Variants in ANKRD50 observed in about 807,000 individuals in gnomAD.
The protein encoded by ANKRD50 is ankyrin repeat domain 50.
Under a neutral mutation model 112.0 loss-of-function variants are expected in ANKRD50, and 40 were observed. The observed-to-expected ratio is 0.36, with a 90% CI of 0.28 to 0.46. The LOEUF (loss-of-function observed/expected upper bound fraction) is 0.46, where lower values mean the gene tolerates loss of function less well. Ranked by LOEUF, ANKRD50 falls within the 20% of genes least tolerant of loss-of-function variation. ANKRD50 has a pLI of 1.00. For missense variants in ANKRD50, 1,487 were observed against 1,701.7 expected, an observed-to-expected ratio of 0.87 and a Z score of 2.22; for synonymous variants, 613 against 619.1, an observed-to-expected ratio of 0.99 and a Z score of 0.15.
At chr4:124,705,346 T>G (rs997151235) in intron 2 of ANKRD50, among the ~76,000 whole-genome samples, 1 of 152,214 alleles carries the variant, frequency 6.6e-6, no homozygotes, top group African/African-American at 2.4e-5. Flanking sequence ...AACTTAGAGT[T>G]ATTCATCTTT....
chr4:124,697,517 T>C (rs2110523477), intron 2 of ANKRD50, among the ~76,000 whole-genome samples: 1 of 152,254 alleles, frequency 6.6e-6, no homozygotes, highest in South Asian at 2.1e-4. Flanking sequence ...AGGTAAGTTA[T>C]AAAGAGTGAG....
At chr4:124,700,644 C>T (rs1725368919) in intron 2 of ANKRD50, among the ~76,000 whole-genome samples, 2 of 152,178 alleles carry the variant, frequency 1.3e-5, no homozygotes, top group South Asian at 4.1e-4. Flanking sequence ...TATTTAACTT[C>T]TGTATCGTTA....
chr4:124,687,049 G>T (rs1045838915), intron 2 of ANKRD50, among the ~76,000 whole-genome samples: 1 of 152,058 alleles, frequency 6.6e-6, no homozygotes, highest in African/African-American at 2.4e-5. Context: ...TAAAATAACG[G>T]AAATAATTCT....
intron 2 of ANKRD50, among the ~76,000 whole-genome samples, chr4:124,708,750 C>G (rs772198126): frequency 1.3e-5 from 2 of 149,518 alleles, no homozygotes; most frequent in Non-Finnish European, 3.0e-5. Context: ...AATCTCAGCC[C>G]TGCCATTTAC....
At chr4:124,693,119 G>A (rs1297325495) in intron 2 of ANKRD50, among the ~76,000 whole-genome samples, 1 of 152,108 alleles carries the variant, frequency 6.6e-6, no homozygotes, top group African/African-American at 2.4e-5. Flanking sequence ...ATATCAAAGA[G>A]TATAAGATAA....
chr4:124,670,539 CCAT>C lies in ANKRD50; in HGVS notation c.2735_2737del (p.Asp912del). On this transcript the variant is annotated inframe_deletion, in exon 4 of 5. Transcript: ENST00000504087. ...TGCAGCAACCCGCAGTGCATTTCTT[CCAT>C]CATAACCTCTTTGATCAATGTTGGA... is the stretch of plus-strand genomic sequence containing the variant. 1.2e-6 allele frequency: 2 copies of C among 1,613,042 alleles called. No homozygotes were observed. The highest frequency in any genetic ancestry group is 1.7e-6 in the Non-Finnish European group (2 of 1,179,706).
chr4:124,711,941 A>G (rs1233664642), intron 1 of ANKRD50, among the ~76,000 whole-genome samples: 1 of 152,150 alleles, frequency 6.6e-6, no homozygotes, highest in Non-Finnish European at 1.5e-5. Context: ...GGAAAGGGAT[A>G]AAGAGTAGAG....
At chr4:124,696,787 T>C (rs1408529346) in intron 2 of ANKRD50, among the ~76,000 whole-genome samples, 1 of 152,226 alleles carries the variant, frequency 6.6e-6, no homozygotes, top group African/African-American at 2.4e-5. Context: ...ATGTAATGAA[T>C]TATTAAACAT....
intron 2 of ANKRD50, among the ~76,000 whole-genome samples, chr4:124,689,848 GAGAATCATA>G (rs1725094011): frequency 6.6e-6 from 1 of 152,294 alleles, no homozygotes; most frequent in East Asian, 1.9e-4. Flanking sequence ...TGTTTGTCTA[GAGAATCATA>G]ATACAGGGCT....
intron 2 of ANKRD50, among the ~76,000 whole-genome samples, chr4:124,683,817 T>C (rs1453656631): frequency 6.6e-6 from 1 of 151,464 alleles, no homozygotes; most frequent in Admixed American, 6.6e-5. Flanking sequence ...CCATTTGTCA[T>C]TTTTCTTTTG....
chr4:124,704,670 T>C (rs1225487101), intron 2 of ANKRD50, among the ~76,000 whole-genome samples: 1 of 152,242 alleles, frequency 6.6e-6, no homozygotes, highest in Admixed American at 6.5e-5. Flanking sequence ...AAGACAGTCA[T>C]TTAACAATTA....
At position 124,669,330 on chromosome 4, in the gene ANKRD50, G is replaced by A; in HGVS notation, c.3947C>T (p.Ala1316Val). 1.9e-6 allele frequency: 3 copies of A among 1,613,760 alleles called. No homozygotes were observed. Among genetic ancestry groups the A allele is most frequent in the South Asian group, 2.2e-5 (2 of 91,026 alleles). Residue 1316 changes from alanine to valine, a missense_variant, in exon 4 of 5, where the codon GCT becomes GTT. Ala to Val is a moderately conservative substitution (Grantham distance 64). This residue lies in a region of ANKRD50 where 441 missense variants were observed against 432.2 expected (regional missense o/e 1.02). Transcript: ENST00000504087. ...TGCTGGCATTTGTTTAGGTGGTGCA[G>A]CAGTCCCGGATTTGGCTATAGGTCC... Reference protein sequence around the residue: ...RRGPIAKSGTAAPPKQMPAES... With the variant: ...RRGPIAKSGTVAPPKQMPAES...
chr4:124,680,601 G>T (rs896064627), intron 2 of ANKRD50, among the ~76,000 whole-genome samples: 1 of 152,142 alleles, frequency 6.6e-6, no homozygotes, highest in Admixed American at 6.5e-5. Flanking sequence ...TCCATTATGA[G>T]CATAAAGATG....
At chr4:124,685,779 A>C (rs1401013957) in intron 2 of ANKRD50, among the ~76,000 whole-genome samples, 1 of 149,256 alleles carries the variant, frequency 6.7e-6, no homozygotes, top group Admixed American at 6.7e-5. Context: ...TCAATTTAAA[A>C]TCCTAGAGTT....
At chr4:124,679,393 C>G (rs1724820166) in intron 2 of ANKRD50, among the ~76,000 whole-genome samples, 1 of 152,114 alleles carries the variant, frequency 6.6e-6, no homozygotes, top group East Asian at 1.9e-4. Context: ...ACAAGCTCGT[C>G]TTCCACAAAT....
chr4:124,701,836 A>G (rs1261159926), intron 2 of ANKRD50, among the ~76,000 whole-genome samples: 1 of 152,172 alleles, frequency 6.6e-6, no homozygotes, highest in Admixed American at 6.5e-5. Context: ...AAACAAAAAA[A>G]AAAAGTATCT....
chr4:124,668,700 C>T (rs1730553855), intron 4 of ANKRD50, among the ~76,000 whole-genome samples: 1 of 151,906 alleles, frequency 6.6e-6, no homozygotes, highest in African/African-American at 2.4e-5. Context: ...AAAACCCTAC[C>T]CTCACAAAGG....
chr4:124,671,776 C>T lies in ANKRD50; in HGVS notation c.1501G>A (p.Val501Ile), dbSNP rs991451448. The change falls in exon 4 of 5, where the codon GTT (valine) becomes ATT (isoleucine). Residue 501 changes from valine to isoleucine, a missense_variant. Transcript: ENST00000504087. ...PKEQEVLQLL[V>I]KAGAHVNSED... is the part of the protein sequence containing the mutation. ...CTGTTGACATGAGCCCCAGCTTTAA[C>T]CAACAGCTGTAGCACTTCTTGTTCC... 1.2e-6 allele frequency: 2 copies of T among 1,613,882 alleles called. No individual in the cohort carries two copies. The highest frequency in any genetic ancestry group is 3.3e-5 in the Admixed American group (2 of 59,974).
intron 2 of ANKRD50, among the ~76,000 whole-genome samples, chr4:124,696,008 GAAAA>G (rs1560829096): frequency 6.6e-6 from 1 of 151,860 alleles, no homozygotes; most frequent in East Asian, 1.9e-4. Context: ...TTATTAAACA[GAAAA>G]AAGTCAGGAT....
Sources: allele counts gnomAD v4.1 joint callset (sites outside exome capture counted in the v4.1 genomes callset), GRCh38; gene constraint gnomAD v4.1.1; regional missense constraint gnomAD v4.1.1; transcripts MANE v1.5; gene names NCBI Gene and HGNC (gene_info 2026-07-23, HGNC 2026-07-21).